UACA: variants seen among roughly 807,000 people sequenced by gnomAD.
The protein encoded by UACA is uveal autoantigen with coiled-coil domains and ankyrin repeats, also known as nuclear membrane binding protein.
Under a neutral mutation model 160.5 loss-of-function variants are expected in UACA, and 112 were observed. That is an observed-to-expected ratio of 0.70 (90% CI 0.60 to 0.82). UACA has a LOEUF of 0.82. Among genes scored for constraint, UACA ranks in the 40% least tolerant of loss-of-function variants. The pLI is 0.00. For missense variants in UACA, 1,574 were observed against 1,614.6 expected (o/e 0.97, Z 0.43); for synonymous variants, 557 against 568.4 (o/e 0.98, Z 0.29).
At chr15:70,699,698 A>C in intron 1 of UACA, 38 bp from the exon 2 acceptor site, 1 of 1,599,030 alleles carries the variant, frequency 6.3e-7, no homozygotes, top group South Asian at 1.1e-5. Flanking sequence ...ATGGCATACT[A>C]CATTAGTTAA....
intron 5 of UACA, among the ~76,000 whole-genome samples, chr15:70,688,080 T>C (rs372296744): frequency 9.2e-5 from 14 of 152,144 alleles, no homozygotes; most frequent in East Asian, 5.8e-4. Context: ...ATTCTAAGGA[T>C]AAGCACAGAC....
At chr15:70,749,183 G>T (rs1006994232) in intron 1 of UACA, 12 of 441,828 alleles carry the variant, frequency 2.7e-5, no homozygotes, top group Non-Finnish European at 5.4e-5. Flanking sequence ...AGTTCATTGT[G>T]CTATTCTTTC....
chr15:70,702,884 A>G (rs1028100381), intron 1 of UACA, among the ~76,000 whole-genome samples: 12 of 152,188 alleles, frequency 7.9e-5, no homozygotes, highest in African/African-American at 2.2e-4. Context: ...CTTTTCAACA[A>G]ATTTTAAATT....
chr15:70,699,505 T>C, intron 2 of UACA, 22 bp downstream of exon 2: 3 of 1,606,712 alleles, frequency 1.9e-6, no homozygotes, highest in Non-Finnish European at 2.6e-6. Flanking sequence ...TCAGACATGC[T>C]TTTATCATCA....
At chr15:70,718,326 G>GTA (rs1390668987) in intron 1 of UACA, among the ~76,000 whole-genome samples, 4 of 84,496 alleles carry the variant, frequency 4.7e-5, no homozygotes, top group Admixed American at 2.1e-4. Flanking sequence ...GAGAGAGAAT[G>GTA]TGTGTGTGTG....
At chr15:70,729,046 G>C (rs2140994646) in intron 1 of UACA, among the ~76,000 whole-genome samples, 1 of 152,296 alleles carries the variant, frequency 6.6e-6, no homozygotes, top group South Asian at 2.1e-4. Context: ...ACAGATATTG[G>C]TAAGGCTATG....
intron 5 of UACA, among the ~76,000 whole-genome samples, 157 bp from the exon 6 acceptor site, chr15:70,687,977 T>G (rs7168338): frequency 6.6e-6 from 1 of 152,108 alleles, no homozygotes; most frequent in Non-Finnish European, 1.5e-5. Context: ...CAATTTTTCA[T>G]CTGAAAATGG....
chr15:70,666,771 T>C lies in UACA; in HGVS notation c.3913A>G (p.Arg1305Gly), dbSNP rs542436249. ...KSLTTITELQ[R>G]RIQESAKQIE... ...TGTTTAGCAGATTCTTGTATTCTTC[T>C]TTGTAACTCTGTGATTGTTGTTAAG... The change falls in exon 16 of 19, where the codon AGA becomes GGA. Residue 1305 changes from arginine (R) to glycine (G), a missense_variant. Coordinates refer to ENST00000322954, the MANE Select transcript of UACA (RefSeq NM_018003.4). The C allele has an allele frequency of 1.3e-5, 21 of 1,610,128 alleles. No homozygotes were observed. In the East Asian group the frequency reaches 4.5e-4, roughly 34 times the overall value.
chr15:70,664,634 G>T (rs1896837495), intron 17 of UACA, 28 bp downstream of exon 17: 2 of 1,590,956 alleles, frequency 1.3e-6, no homozygotes, highest in Non-Finnish European at 8.6e-7. Context: ...ACATATTCCT[G>T]CAAAGCCCCG....
In UACA at chr15:70,678,104, T is replaced by G; in HGVS notation, c.994A>C (p.Asn332His). 1 of 1,587,706 alleles carries G rather than the reference T, an allele frequency of 6.3e-7. No individual in the cohort carries two copies. The highest frequency in any genetic ancestry group is 8.5e-7 in the Non-Finnish European group (1 of 1,169,596). The change falls in exon 11 of 19, where the codon AAT becomes CAT. Residue 332 changes from asparagine to histidine, a missense_variant. By Grantham distance (68) the Asn-to-His change is moderately conservative (BLOSUM62 1). Transcript: ENST00000322954. ...DKVNGLQLQL[N>H]EEVMVADDLE... ...TATTATGCAGATTTATTTACCTCAT[T>G]CAGCTGTAACTGTAAACCATTGACT...
chr15:70,752,237 C>CA (rs35156370), intron 1 of UACA, among the ~76,000 whole-genome samples: 8 of 105,910 alleles, frequency 7.6e-5, no homozygotes, highest in Admixed American at 2.1e-4. Flanking sequence ...AAAACTCCAT[C>CA]AAAAAAAAAA....
chr15:70,669,019 A>G lies in UACA; in HGVS notation c.1665T>C (p.Gly555=). 2 of 1,613,770 alleles carry G rather than the reference A, an allele frequency of 1.2e-6. No individual in the cohort carries two copies. Among genetic ancestry groups the G allele is most frequent in the African/African-American group, 1.3e-5 (1 of 74,986 alleles). ...TTAATTTCCCCACTTCTGCTGAAGC[A>G]CCTTCATATTTTACTTTCAAGTCTT... ...QLKDLKVKYE[G]ASAEVGKLRN... Residue 555 remains glycine, a synonymous_variant, in exon 16 of 19, where the codon GGT becomes GGC. Transcript: ENST00000322954.
intron 1 of UACA, among the ~76,000 whole-genome samples, chr15:70,750,492 T>C (rs1314468939): frequency 6.6e-6 from 1 of 152,226 alleles, no homozygotes; most frequent in Non-Finnish European, 1.5e-5. Context: ...TCCTCTTCTC[T>C]ATGCCTTTGC....
intron 1 of UACA, chr15:70,703,354 A>C: frequency 9.0e-7 from 1 of 1,107,738 alleles, no homozygotes; most frequent in South Asian, 1.6e-5. Flanking sequence ...CTGCCAGTTA[A>C]AAATTCTGCT....
At position 70,667,011 on chromosome 15, in the gene UACA, C is replaced by G; in HGVS notation, c.3673G>C (p.Asp1225His). Reference sequence around the variant, plus strand: ...TTTGTTGCTTTATATTTAGACAAGTCAACTACCTCTCTAGTCTCTAATTTT... The same window carrying G: ...TTTGTTGCTTTATATTTAGACAAGTGAACTACCTCTCTAGTCTCTAATTTT... ...LKKLETREVV[D>H]LSKYKATKSD... The change falls in exon 16 of 19, where the codon GAC (aspartate) becomes CAC (histidine). Residue 1225 changes from aspartate to histidine, a missense_variant. Physicochemically the swap from Asp to His is moderately conservative, Grantham distance 81. Coordinates refer to ENST00000322954, the MANE Select transcript of UACA (RefSeq NM_018003.4). The G allele has an allele frequency of 6.2e-7, 1 of 1,613,322 alleles. No homozygotes were observed. The highest frequency in any genetic ancestry group is 1.7e-5 in the Admixed American group (1 of 59,918).
intron 13 of UACA, chr15:70,676,187 C>T (rs1419001634): frequency 4.9e-6 from 1 of 204,168 alleles, no homozygotes; most frequent in Admixed American, 5.3e-5. Flanking sequence ...ATACTCACTG[C>T]AAATTTACAG....
At chr15:70,692,639 G>A (rs1174392678) in intron 3 of UACA, among the ~76,000 whole-genome samples, 2 of 152,082 alleles carry the variant, frequency 1.3e-5, no homozygotes, top group African/African-American at 4.8e-5. Context: ...GTGTGGTGGT[G>A]TATGCCTGTA....
At chr15:70,676,646 A>T in intron 12 of UACA, 55 bp from the exon 13 acceptor site, 2 of 1,462,410 alleles carry the variant, frequency 1.4e-6, no homozygotes, top group Non-Finnish European at 1.9e-6. Flanking sequence ...GAATTGGATT[A>T]AAAATGTGTT....
chr15:70,674,499 A>T (rs1449131509), intron 13 of UACA, among the ~76,000 whole-genome samples: 1 of 152,206 alleles, frequency 6.6e-6, no homozygotes. Flanking sequence ...TCTAAAGTAA[A>T]TAAGTATTTT....
Sources: allele counts gnomAD v4.1 joint callset (sites outside exome capture counted in the v4.1 genomes callset), GRCh38; gene constraint gnomAD v4.1.1; transcripts MANE v1.5; gene names NCBI Gene and HGNC (gene_info 2026-07-23, HGNC 2026-07-21).